GRXCR2: variants seen among roughly 807,000 people sequenced by gnomAD.
GRXCR2 encodes glutaredoxin domain-containing cysteine-rich protein 2.
Under a neutral mutation model 24.8 loss-of-function variants are expected in GRXCR2, and 23 were observed. That is an observed-to-expected ratio of 0.93 (90% CI 0.67 to 1.32). The LOEUF (loss-of-function observed/expected upper bound fraction) is 1.32. Ranked by LOEUF, GRXCR2 falls within the 40% of genes most tolerant of loss-of-function variation. GRXCR2 has a pLI of 0.00. For missense variants in GRXCR2, 315 were observed against 303.4 expected, an observed-to-expected ratio of 1.04 and a Z score of -0.28; for synonymous variants, 130 against 116.1, an observed-to-expected ratio of 1.12 and a Z score of -0.77.
Position 145,864,297 on chromosome 5 carries a change from C to T in GRXCR2, c.564+2204G>A, listed in dbSNP as rs919992603. Among the ~76,000 whole-genome samples the T allele has an allele frequency of 2.6e-5, 4 of 151,938 alleles. No homozygotes were observed. The South Asian group carries it at 6.3e-4, about 24-fold the overall frequency. ...GGGGAGATGGGCAGTGTGTCTGGGG[C>T]CAAGAGCATGAGAAAAGATGTGTAA... On this transcript the variant is annotated intron_variant, in intron 2 of 2. Transcript: ENST00000377976.
chr5:145,910,106 C>A (rs903038287), intron 2 of GRXCR2, among the ~76,000 whole-genome samples: 1 of 152,146 alleles, frequency 6.6e-6, no homozygotes, highest in Non-Finnish European at 1.5e-5. Flanking sequence ...CGCTATTGTA[C>A]CTGCAAGTGG....
At chr5:145,911,898 G>A (rs932622570) in intron 2 of GRXCR2, among the ~76,000 whole-genome samples, 1 of 152,148 alleles carries the variant, frequency 6.6e-6, no homozygotes, top group Admixed American at 6.5e-5. Flanking sequence ...AGACTAGCCT[G>A]GGAAACATAG....
chr5:145,904,735 C>T (rs1433274381), intron 2 of GRXCR2, among the ~76,000 whole-genome samples: 1 of 152,202 alleles, frequency 6.6e-6, no homozygotes, highest in Non-Finnish European at 1.5e-5. Context: ...AACCTAATGA[C>T]TTTAAATGAC....
chr5:145,868,077 C>G (rs559835411), intron 1 of GRXCR2, among the ~76,000 whole-genome samples: 8 of 152,184 alleles, frequency 5.3e-5, no homozygotes, highest in African/African-American at 1.7e-4. Context: ...ATCCCTGAGG[C>G]TAATTATATC....
At chr5:145,866,073 G>T (rs1756424198) in intron 2 of GRXCR2, among the ~76,000 whole-genome samples, 1 of 150,494 alleles carries the variant, frequency 6.6e-6, no homozygotes, top group East Asian at 2.0e-4. Flanking sequence ...GACAGAGGTT[G>T]CAGTGAGCAA....
chr5:145,876,216 TACAC>T (rs1216503434), upstream of GRXCR2, among the ~76,000 whole-genome samples: 133 of 133,696 alleles, frequency 9.9e-4, 1 homozygote, highest in Non-Finnish European at 1.5e-3. Context: ...TATATATATA[TACAC>T]ACACACACAC....
intron 2 of GRXCR2, among the ~76,000 whole-genome samples, chr5:145,924,104 G>C (rs369485184): frequency 2.0e-5 from 3 of 152,168 alleles, no homozygotes; most frequent in African/African-American, 4.8e-5. Context: ...GTGGCATGGA[G>C]AGATGAACTG....
At chr5:145,876,849 C>T (rs13189362), upstream of GRXCR2, among the ~76,000 whole-genome samples, 6,303 of 152,174 alleles carry the variant, frequency 0.041, 194 homozygotes, top group African/African-American at 0.075. Flanking sequence ...AAATCGAAAG[C>T]AGTTTTGGCA....
intron 2 of GRXCR2, among the ~76,000 whole-genome samples, chr5:145,914,441 C>T (rs191357617): frequency 1.5e-3 from 231 of 151,918 alleles, no homozygotes; most frequent in African/African-American, 5.2e-3. Flanking sequence ...TTTGGGAAGC[C>T]GAGGCAGGTG....
At chr5:145,874,584 T>C (rs972639464), upstream of GRXCR2, among the ~76,000 whole-genome samples, 1 of 152,220 alleles carries the variant, frequency 6.6e-6, no homozygotes, top group Non-Finnish European at 1.5e-5. Flanking sequence ...ATCACTTTGA[T>C]TTTTAAAGTT....
At chr5:145,904,760 C>T (rs994244545) in intron 2 of GRXCR2, among the ~76,000 whole-genome samples, 1 of 152,154 alleles carries the variant, frequency 6.6e-6, no homozygotes, top group Non-Finnish European at 1.5e-5. Context: ...ATTGTATTCC[C>T]TCTCATGGTT....
chr5:145,906,765 A>G (rs1757094310), intron 2 of GRXCR2, among the ~76,000 whole-genome samples: 1 of 152,224 alleles, frequency 6.6e-6, no homozygotes, highest in African/African-American at 2.4e-5. Context: ...GCAAAAATAG[A>G]CAAAAGTTCC....
intron 2 of GRXCR2, among the ~76,000 whole-genome samples, chr5:145,920,366 A>T (rs576696641): frequency 9.2e-5 from 14 of 152,308 alleles, no homozygotes; most frequent in African/African-American, 3.4e-4. Flanking sequence ...TCTGTGTCTT[A>T]ACCAGACCTT....
At chr5:145,878,299 A>AG (rs1756648607) in intron 2 of GRXCR2, among the ~76,000 whole-genome samples, 1 of 152,190 alleles carries the variant, frequency 6.6e-6, no homozygotes. Flanking sequence ...AAAACCTTGA[A>AG]AAAAGGTTAG....
At chr5:145,881,530 T>C (rs929820022) in intron 2 of GRXCR2, among the ~76,000 whole-genome samples, 1 of 152,094 alleles carries the variant, frequency 6.6e-6, no homozygotes, top group Non-Finnish European at 1.5e-5. Context: ...TAAAAGAGGA[T>C]ACAAACAAAT....
chr5:145,900,602 C>A (rs1757011601), intron 2 of GRXCR2, among the ~76,000 whole-genome samples: 1 of 152,104 alleles, frequency 6.6e-6, no homozygotes. Context: ...CCATCTCACA[C>A]CAGTCAGAAT....
intron 2 of GRXCR2, among the ~76,000 whole-genome samples, chr5:145,909,462 A>G (rs1757134587): frequency 6.6e-6 from 1 of 150,400 alleles, no homozygotes; most frequent in African/African-American, 2.5e-5. Context: ...GTATCCAGTT[A>G]TCACTCACAT....
rs953157430 is a variant in GRXCR2 at position 145,866,650 on chromosome 5, T to A, written c.415A>T (p.Arg139Ter). Residue 139 changes from arginine (R) to a stop codon, truncating the protein, a stop_gained, in exon 2 of 3, where the codon AGA becomes TGA. Transcript: ENST00000377976. LOFTEE classifies it high-confidence loss of function. ...LKIIRTPMDKRDFVRKILQKE... is the reference protein window; with the variant it reads ...LKIIRTPMDK ...TGGAGAATTTTCCTCACAAAATCTC[T>A]CTTGTCCATTGGGGTTCGAATGATT... 1.2e-6 allele frequency: 2 copies of A among 1,613,930 alleles called. No individual in the cohort carries two copies. The highest frequency in any genetic ancestry group is 4.5e-5 in the East Asian group (2 of 44,886).
chr5:145,878,538 G>T (rs75847778), intron 2 of GRXCR2, among the ~76,000 whole-genome samples: 2 of 152,052 alleles, frequency 1.3e-5, no homozygotes, highest in Admixed American at 6.6e-5. Context: ...CGAGAAATAT[G>T]GGACTATGTG....
Sources: allele counts gnomAD v4.1 joint callset (sites outside exome capture counted in the v4.1 genomes callset), GRCh38; gene constraint gnomAD v4.1.1; transcripts MANE v1.5; gene names NCBI Gene and HGNC (gene_info 2026-07-23, HGNC 2026-07-21).